Variants in CUBN observed in about 807,000 individuals in gnomAD.
CUBN encodes the protein 460 kDa receptor.
In CUBN, 282 loss-of-function variants were observed where a neutral mutation model predicts 405.3. The observed-to-expected ratio is 0.70, with a 90% CI of 0.63 to 0.77. The LOEUF is 0.77. CUBN is among the 30% of genes least tolerant of loss of function. The probability of loss-of-function intolerance (pLI) is 0.00; values close to 1 mark genes in which losing one functional copy is unlikely to be tolerated. For missense variants in CUBN, 4,514 were observed against 4,475.2 expected (o/e 1.01, Z -0.25); for synonymous variants, 1,684 against 1,617.0 (o/e 1.04, Z -0.99).
At chr10:16,830,949 T>C (rs562192688) in intron 65 of CUBN, among the ~76,000 whole-genome samples, 6 of 152,158 alleles carry the variant, frequency 3.9e-5, no homozygotes, top group South Asian at 2.1e-4. Flanking sequence ...CGGCTGGGCA[T>C]GGTGGCGCAT....
rs1364166789 is a variant in CUBN at position 16,906,286 on chromosome 10, T to C, written c.7829A>G (p.Asn2610Ser). Reference protein sequence around the residue: ...EWTLSNPNQGNSSISIHFEDF... With the variant: ...EWTLSNPNQGSSSISIHFEDF... ...TTCAAAGTGAATGGAAATGGATGAA[T>C]TTCCCTGATTTGGATTGCTGAGAGT... Residue 2610 changes from asparagine (N) to serine (S), a missense_variant, in exon 50 of 67, where the codon AAT (asparagine) becomes AGT (serine). Around this residue, in one of 5 missense-constraint regions of CUBN, gnomAD observed 1,613 missense variants for 1,542.8 expected, o/e 1.05. Transcript: ENST00000377833. 2 of 1,613,956 alleles carry C rather than the reference T, an allele frequency of 1.2e-6. No individual in the cohort carries two copies. The highest frequency in any genetic ancestry group is 2.7e-5 in the African/African-American group (2 of 74,942).
rs565959843 is a variant in CUBN, at chr10:16,895,231, G to A, written c.8598+3765C>T. Among the ~76,000 whole-genome samples, 15 of 152,116 alleles carry A rather than the reference G, an allele frequency of 9.9e-5. No homozygotes were observed. In the South Asian group the frequency reaches 2.7e-3, roughly 27 times the overall value. ...ATTTCAATTCCTTGACTTGGTTGAGGTTTTTCCATGTCTCAGGATATGATC... is the reference window on the plus strand; with the variant it reads ...ATTTCAATTCCTTGACTTGGTTGAGATTTTTCCATGTCTCAGGATATGATC... On this transcript the variant is annotated intron_variant, in intron 54 of 66. Coordinates refer to ENST00000377833, the MANE Select transcript of CUBN (RefSeq NM_001081.4).
chr10:17,022,440 T>C (rs1228902321), intron 27 of CUBN, among the ~76,000 whole-genome samples: 3 of 152,214 alleles, frequency 2.0e-5, no homozygotes, highest in Non-Finnish European at 2.9e-5. Context: ...TGAATGTGTA[T>C]ATTTATTATC....
chr10:17,126,820 G>C, intron 3 of CUBN, 21 bp from the exon 4 acceptor site: 1 of 1,613,924 alleles, frequency 6.2e-7, no homozygotes, highest in Non-Finnish European at 8.5e-7. Flanking sequence ...GGAAGAAAAA[G>C]CTTCAGTTAG....
Position 17,115,773 on chromosome 10 carries a change from T to C in CUBN, c.594-176A>G, listed in dbSNP as rs1588653202. Among the ~76,000 whole-genome samples, 3 of 152,242 alleles carry C rather than the reference T, an allele frequency of 2.0e-5. No homozygotes were observed. The South Asian group carries it at 6.2e-4, about 31-fold the overall frequency. ...TCGGGAGAAAATCACTCTGCTGTGC[T>C]CCAAGTGGTGGATTGAGTAAATACA... On this transcript the variant is annotated intron_variant, in intron 6 of 66. Transcript: ENST00000377833.
chr10:16,869,752 C>G lies in CUBN; in HGVS notation c.9338G>C (p.Cys3113Ser). Residue 3113 changes from cysteine (C) to serine (S), a missense_variant, in exon 59 of 67, where the codon TGC becomes TCC. Physicochemically the swap from Cys to Ser is moderately radical, Grantham distance 112. Coordinates refer to ENST00000377833, the MANE Select transcript of CUBN (RefSeq NM_001081.4). ...CACATTTGGTGGGCGCTTGGAACCG[C>G]AGAATTTGCCAAGAAGGGGATCGCT... ...NTSDPLLGKF[C>S]GSKRPPNVKS... 1.2e-6 allele frequency: 2 copies of G among 1,614,042 alleles called. No individual in the cohort carries two copies. Among genetic ancestry groups the G allele is most frequent in the Non-Finnish European group, 1.7e-6 (2 of 1,179,968 alleles).
At chr10:16,974,490 C>A (rs181278709) in intron 31 of CUBN, among the ~76,000 whole-genome samples, 1 of 151,684 alleles carries the variant, frequency 6.6e-6, no homozygotes, top group Non-Finnish European at 1.5e-5. Flanking sequence ...GTGGCGTGAT[C>A]TTGGCTCAAT....
chr10:16,925,030 C>A (rs571024100), intron 43 of CUBN, among the ~76,000 whole-genome samples: 1 of 152,190 alleles, frequency 6.6e-6, no homozygotes, highest in South Asian at 2.1e-4. Context: ...AAAGTCCAAG[C>A]CTCATTTTAT....
At position 17,045,104 on chromosome 10, in the gene CUBN, T is replaced by C. The variant is rs761277507; in HGVS notation, c.3575A>G (p.Tyr1192Cys). 4 of 1,613,884 alleles carry C rather than the reference T, an allele frequency of 2.5e-6. No individual in the cohort carries two copies. Among genetic ancestry groups the C allele is most frequent in the Admixed American group, 1.7e-5 (1 of 59,964 alleles). Residue 1192 changes from tyrosine (Y) to cysteine (C), a missense_variant, in exon 25 of 67, where the codon TAC becomes TGC. Coordinates refer to ENST00000377833, the MANE Select transcript of CUBN (RefSeq NM_001081.4). ...PMPYYHSSEC[Y>C]WWLKSSHGSA... ...GCCGTGGCTAGATTTCAACCACCAG[T>C]AGCATTCAGAGCTGTGGTAATAGGG...
At chr10:16,961,361 C>T (rs1251567051) in intron 31 of CUBN, among the ~76,000 whole-genome samples, 1 of 152,154 alleles carries the variant, frequency 6.6e-6, no homozygotes, top group Non-Finnish European at 1.5e-5. Flanking sequence ...CCACAGTGCC[C>T]GGCCTTAATT....
chr10:17,017,947 G>A (rs142016081), intron 28 of CUBN, among the ~76,000 whole-genome samples: 10 of 152,268 alleles, frequency 6.6e-5, no homozygotes, highest in African/African-American at 2.4e-4. Flanking sequence ...ACATGACTTT[G>A]AGAGTTTTAC....
rs750388642 is a variant in CUBN at position 16,890,544 on chromosome 10, C to T, written c.8599-17G>A. 5.6e-6 allele frequency: 9 copies of T among 1,614,004 alleles called. No individual in the cohort carries two copies. The highest frequency in any genetic ancestry group is 7.6e-6 in the Non-Finnish European group (9 of 1,179,952). ...TGCCCACACCTAGCACGGACATACA[C>T]AGAACTTTAATGCTCAAGGGTTTCC... On this transcript the variant is annotated splice_polypyrimidine_tract_variant and intron_variant, in intron 54 of 66. Coordinates refer to ENST00000377833, the MANE Select transcript of CUBN (RefSeq NM_001081.4).
At chr10:16,884,373 G>A (rs1279820393) in intron 56 of CUBN, among the ~76,000 whole-genome samples, 3 of 140,546 alleles carry the variant, frequency 2.1e-5, no homozygotes, top group African/African-American at 8.0e-5. Context: ...TATGAAGTAA[G>A]AAAACTGGAT....
chr10:17,100,264 T>C (rs762875453), intron 13 of CUBN, 25 bp from the exon 14 acceptor site: 12 of 1,435,796 alleles, frequency 8.4e-6, no homozygotes, highest in Non-Finnish European at 1.2e-5. Context: ...GCCACATATA[T>C]TATCTTTTAC....
chr10:17,049,155 G>C (rs1835204018), intron 22 of CUBN, among the ~76,000 whole-genome samples: 1 of 152,192 alleles, frequency 6.6e-6, no homozygotes, highest in Non-Finnish European at 1.5e-5. Flanking sequence ...CAACAGGAAA[G>C]GCAGAAAAGA....
At chr10:16,926,287 G>A (rs1471515196) in intron 41 of CUBN, among the ~76,000 whole-genome samples, 1 of 152,178 alleles carries the variant, frequency 6.6e-6, no homozygotes, top group Non-Finnish European at 1.5e-5. Context: ...GTACATCATG[G>A]AAGTCAGAAT....
At chr10:17,035,050 A>G (rs954105703) in intron 27 of CUBN, among the ~76,000 whole-genome samples, 1 of 150,768 alleles carries the variant, frequency 6.6e-6, no homozygotes, top group Non-Finnish European at 1.5e-5. Context: ...TGGGGATTCA[A>G]ACTTCAAAAC....
intron 15 of CUBN, 75 bp from the exon 16 acceptor site, chr10:17,085,834 T>C: frequency 7.6e-7 from 1 of 1,311,296 alleles, no homozygotes; most frequent in Non-Finnish European, 1.1e-6. Context: ...GGATATTAAC[T>C]TCATAAAATC....
chr10:16,947,117 T>G (rs540363195), intron 36 of CUBN, 118 bp downstream of exon 36: 1 of 1,116,990 alleles, frequency 9.0e-7, no homozygotes, highest in African/African-American at 1.6e-5. Context: ...CAGAGGAAAT[T>G]TGGAAAAATA....
Sources: gnomAD v4.1 joint callset for allele counts (sites outside exome capture counted in the v4.1 genomes callset) on GRCh38, gnomAD v4.1.1 for gene constraint, gnomAD v4.1.1 regional missense constraint, MANE v1.5 for transcripts, NCBI Gene and HGNC (gene_info 2026-07-23, HGNC 2026-07-21) for gene names.